The following MED9 variants were observed in gnomAD, a reference collection of about 807,000 sequenced individuals.
MED9 encodes the protein mediator of RNA polymerase II transcription subunit 9.
MED9 carries 8 observed loss-of-function variants against 13.2 expected under a neutral mutation model. That is an observed-to-expected ratio of 0.61 (90% confidence interval 0.36 to 1.10). The LOEUF is 1.10. Among genes scored for constraint, MED9 ranks in the 50% least tolerant of loss-of-function variants. The probability of loss-of-function intolerance (pLI) is 0.02; values close to 1 mark genes in which losing one functional copy is unlikely to be tolerated. For synonymous variants in MED9, 87 were observed against 82.8 expected, an observed-to-expected ratio of 1.05 and a Z score of -0.28; for missense variants, 180 against 193.4, an observed-to-expected ratio of 0.93 and a Z score of 0.41.
intron 1 of MED9, among the ~76,000 whole-genome samples, chr17:17,489,537 A>G (rs933082909): frequency 6.6e-6 from 1 of 152,168 alleles, no homozygotes; most frequent in African/African-American, 2.4e-5. Context: ...TAAATTCGTA[A>G]CGGTATGTTA....
chr17:17,481,074 G>A (rs1225752624), intron 1 of MED9, among the ~76,000 whole-genome samples: 1 of 152,210 alleles, frequency 6.6e-6, no homozygotes, highest in Non-Finnish European at 1.5e-5. Flanking sequence ...TACATCCAAG[G>A]CAGGAAGAGG....
chr17:17,491,507 C>G lies in MED9; in HGVS notation c.*12C>G. On this transcript the variant is annotated 3_prime_UTR_variant, in exon 2 of 2. Coordinates refer to ENST00000268711, the MANE Select transcript of MED9 (RefSeq NM_018019.3). ...TCCCCAAGGAGTAGAGTGAGGCTGACTTCCTTAGAAAGAGGGGGAAGCCAA... is the reference window on the plus strand; with the variant it reads ...TCCCCAAGGAGTAGAGTGAGGCTGAGTTCCTTAGAAAGAGGGGGAAGCCAA... The G allele has an allele frequency of 1.3e-6, 2 of 1,598,128 alleles. No individual in the cohort carries two copies. The highest frequency in any genetic ancestry group is 1.7e-6 in the Non-Finnish European group (2 of 1,166,014).
intron 1 of MED9, chr17:17,485,309 G>T: frequency 2.5e-6 from 1 of 398,550 alleles, no homozygotes; most frequent in East Asian, 3.6e-5. Context: ...GTAGAGACGG[G>T]GCTGGCCTCA....
intron 1 of MED9, among the ~76,000 whole-genome samples, chr17:17,480,427 G>A (rs981398566): frequency 2.0e-5 from 3 of 152,316 alleles, no homozygotes; most frequent in South Asian, 2.1e-4. Context: ...AAGCCTTTTA[G>A]TGTTTTATTC....
At chr17:17,488,897 G>T (rs1318820915) in intron 1 of MED9, among the ~76,000 whole-genome samples, 4 of 151,938 alleles carry the variant, frequency 2.6e-5, no homozygotes, top group Non-Finnish European at 5.9e-5. Flanking sequence ...CTCTGACCTT[G>T]CCTTGTTTGT....
chr17:17,490,204 G>A (rs1905204898), intron 1 of MED9, among the ~76,000 whole-genome samples: 1 of 152,224 alleles, frequency 6.6e-6, no homozygotes, highest in Non-Finnish European at 1.5e-5. Context: ...GGGAGGCCGA[G>A]GCAGGTGGAT....
chr17:17,477,035 C>G lies in MED9; in HGVS notation c.-7C>G, dbSNP rs200215650. On this transcript the variant is annotated 5_prime_UTR_variant, in exon 1 of 2. Coordinates refer to ENST00000268711, the MANE Select transcript of MED9 (RefSeq NM_018019.3). ...ACCCGACCTCTGGCTAACCTACCCC[C>G]GGAGCCATGGCCTCTGCTGGGGTGG... 2 of 1,604,986 alleles carry G rather than the reference C, an allele frequency of 1.2e-6. No homozygotes were observed. Among genetic ancestry groups the G allele is most frequent in the African/African-American group, 1.3e-5 (1 of 74,824 alleles).
Position 17,492,316 on chromosome 17 carries a change from C to T in MED9, c.*821C>T, listed in dbSNP as rs928736410. 1.3e-5 allele frequency: 2 copies of T among 152,332 alleles called. No homozygotes were observed. The highest frequency in any genetic ancestry group is 2.9e-5 in the Non-Finnish European group (2 of 68,100). The allele number at this position is 152,332 out of a possible 1,614,324, so 9.4% of individuals were successfully genotyped here. ...TTCCACACAGGCCAGAAGAGGTCTT[C>T]AGGCGAACCGACCTTCCCCCTTCTG... On this transcript the variant is annotated 3_prime_UTR_variant, in exon 2 of 2. Transcript: ENST00000268711.
chr17:17,477,690 G>C (rs1904949113), intron 1 of MED9: 1 of 159,538 alleles, frequency 6.3e-6, no homozygotes, highest in Non-Finnish European at 1.4e-5. Context: ...CGCAGTAAAA[G>C]GGGCCAACTT....
Position 17,483,868 on chromosome 17 carries a change from C to G in MED9, c.224+6603C>G, listed in dbSNP as rs531037400. ...AGGAGAATCGCTTGAACCCGGGAGG[C>G]GGAGGTTGCAGTGAGCCACGATCGC... On this transcript the variant is annotated intron_variant, in intron 1 of 1. Coordinates refer to ENST00000268711, the MANE Select transcript of MED9 (RefSeq NM_018019.3). This position sits in a 1 kb window ranked among gnomAD's most constrained non-coding sequence, Gnocchi z 4.2. Among the ~76,000 whole-genome samples the G allele has an allele frequency of 8.7e-5, 13 of 149,772 alleles. No individual in the cohort carries two copies. The highest frequency in any genetic ancestry group is 2.5e-4 in the African/African-American group (10 of 40,576).
rs1400276267 is a variant in MED9, at chr17:17,492,333, C to A, written c.*838C>A. On this transcript the variant is annotated 3_prime_UTR_variant, in exon 2 of 2. Coordinates refer to ENST00000268711, the MANE Select transcript of MED9 (RefSeq NM_018019.3). ...GAGGTCTTCAGGCGAACCGACCTTC[C>A]CCCTTCTGGCATTTCAGATTCCCCT... 1.3e-5 allele frequency: 2 copies of A among 152,328 alleles called. No individual in the cohort carries two copies. Among genetic ancestry groups the A allele is most frequent in the Admixed American group, 6.5e-5 (1 of 15,290 alleles). 9.4% of individuals were successfully genotyped at this position (152,328 alleles called of 1,614,324 possible).
At chr17:17,482,123 C>T (rs1894710610) in intron 1 of MED9, among the ~76,000 whole-genome samples, 1 of 152,160 alleles carries the variant, frequency 6.6e-6, no homozygotes, top group African/African-American at 2.4e-5. Flanking sequence ...TAAACAGTTT[C>T]TTGCTCAAGG....
intron 1 of MED9, 97 bp downstream of exon 1, chr17:17,477,362 C>T: frequency 7.5e-7 from 1 of 1,330,468 alleles, no homozygotes. Flanking sequence ...TGGGGCACGC[C>T]CCCGTTTCAC....
chr17:17,491,194 T>C, intron 1 of MED9, 85 bp from the exon 2 acceptor site: 1 of 1,272,468 alleles, frequency 7.9e-7, no homozygotes, highest in Non-Finnish European at 1.1e-6. Context: ...ATGGCAGGAA[T>C]GACAGCCAGC....
At chr17:17,477,508 C>G in intron 1 of MED9, 1 of 507,226 alleles carries the variant, frequency 2.0e-6, no homozygotes, top group Non-Finnish European at 3.4e-6. Context: ...AGACTAAATG[C>G]AGACTCTTGT....
intron 1 of MED9, among the ~76,000 whole-genome samples, chr17:17,477,937 T>A (rs1236531906): frequency 6.6e-6 from 1 of 152,220 alleles, no homozygotes; most frequent in Non-Finnish European, 1.5e-5. Context: ...TCAAAGTGAC[T>A]CTGTAGAGGA....
chr17:17,478,868 A>T (rs1323961562), intron 1 of MED9, among the ~76,000 whole-genome samples: 3 of 152,146 alleles, frequency 2.0e-5, no homozygotes, highest in African/African-American at 7.2e-5. Flanking sequence ...AAAAAAAAAA[A>T]AAAAGTAATG....
Position 17,491,681 on chromosome 17 carries a change from C to A in MED9, c.*186C>A, listed in dbSNP as rs1905232827. ...GGAGCCAGCGCAGAGCTTGGCTGCG[C>A]CGGGGGTTCCTCGTGTAGATCCATA... On this transcript the variant is annotated 3_prime_UTR_variant, in exon 2 of 2. Transcript: ENST00000268711. The A allele has an allele frequency of 1.6e-6, 1 of 610,728 alleles. No individual in the cohort carries two copies. Among genetic ancestry groups the A allele is most frequent in the Non-Finnish European group, 2.9e-6 (1 of 347,550 alleles). 37.8% of individuals were successfully genotyped at this position (610,728 alleles called of 1,614,324 possible). A position where few individuals can be genotyped will look rare whatever the true frequency, so the allele number is the denominator to read the frequency against.
chr17:17,489,531 T>G (rs921661526), intron 1 of MED9, among the ~76,000 whole-genome samples: 2 of 152,218 alleles, frequency 1.3e-5, no homozygotes, highest in African/African-American at 4.8e-5. Context: ...GGGACTTAAA[T>G]TCGTAACGGT....
Sources: allele counts gnomAD v4.1 joint callset (sites outside exome capture counted in the v4.1 genomes callset), GRCh38; gene constraint gnomAD v4.1.1; non-coding constraint Gnocchi (gnomAD v3.1); transcripts MANE v1.5; gene names NCBI Gene and HGNC (gene_info 2026-07-23, HGNC 2026-07-21).